The following CCDC178 variants were observed in gnomAD, a reference collection of about 807,000 sequenced individuals.
The protein encoded by CCDC178 is coiled-coil domain-containing protein 178.
Under a neutral mutation model 117.4 loss-of-function variants are expected in CCDC178, and 126 were observed. The observed-to-expected ratio is 1.07, with a 90% confidence interval of 0.93 to 1.24. The LOEUF (loss-of-function observed/expected upper bound fraction) is 1.24. CCDC178 is among the 50% of genes most tolerant of loss of function. CCDC178 has a pLI of 0.00. For missense variants in CCDC178, 1,030 were observed against 986.9 expected (o/e 1.04, Z -0.59); for synonymous variants, 283 against 313.4 (o/e 0.90, Z 1.02).
At chr18:33,436,273 T>C (rs1177730624) in intron 2 of CCDC178, among the ~76,000 whole-genome samples, 1 of 152,138 alleles carries the variant, frequency 6.6e-6, no homozygotes, top group East Asian at 1.9e-4. Flanking sequence ...CAGAAGGTCA[T>C]GAATGACCTT....
At chr18:33,389,082 C>T (rs1599257982) in intron 5 of CCDC178, among the ~76,000 whole-genome samples, 1 of 152,040 alleles carries the variant, frequency 6.6e-6, no homozygotes, top group Admixed American at 6.6e-5. Flanking sequence ...AGCAAACCAC[C>T]ATGGCATGTG....
intron 20 of CCDC178, among the ~76,000 whole-genome samples, chr18:33,128,098 C>T (rs1174058179): frequency 6.6e-6 from 1 of 152,152 alleles, no homozygotes; most frequent in African/African-American, 2.4e-5. Context: ...AATGTGGATT[C>T]AATTTCTGGC....
intron 2 of CCDC178, among the ~76,000 whole-genome samples, chr18:33,427,563 TTTATA>T (rs2064139887): frequency 6.6e-6 from 1 of 152,198 alleles, no homozygotes. Flanking sequence ...TTCTATTGAC[TTTATA>T]TTATGTCTGT....
intron 17 of CCDC178, among the ~76,000 whole-genome samples, chr18:33,223,748 C>T (rs562325338): frequency 9.2e-5 from 14 of 152,248 alleles, no homozygotes; most frequent in African/African-American, 2.9e-4. Context: ...GACAACCTCA[C>T]TTAGGCTTTT....
intron 20 of CCDC178, among the ~76,000 whole-genome samples, chr18:33,166,446 C>A (rs112024255): frequency 2.7e-4 from 41 of 152,176 alleles, no homozygotes; most frequent in African/African-American, 9.4e-4. Flanking sequence ...CTCCCTACGG[C>A]ACTAGATTCC....
chr18:33,196,005 T>G (rs1024042951), intron 20 of CCDC178, among the ~76,000 whole-genome samples: 2 of 152,214 alleles, frequency 1.3e-5, no homozygotes, highest in Non-Finnish European at 2.9e-5. Context: ...GGATGACCTC[T>G]GGGCCTCTGG....
At position 33,203,577 on chromosome 18, in the gene CCDC178, T is replaced by C. The variant is rs996016663; in HGVS notation, c.2238+8319A>G. ...TTACAAGTAGGAAATAAAGACGTTA[T>C]TATTTCCACTCTCGTTCTCTGAACC... On this transcript the variant is annotated intron_variant, in intron 20 of 22. Transcript: ENST00000383096. Among the ~76,000 whole-genome samples the C allele has an allele frequency of 7.2e-5, 11 of 152,328 alleles. No homozygotes were observed. The South Asian group carries it at 1.2e-3, about 17-fold the overall frequency.
intron 20 of CCDC178, among the ~76,000 whole-genome samples, chr18:33,190,414 A>G (rs1057373202): frequency 6.6e-6 from 1 of 152,168 alleles, no homozygotes; most frequent in Admixed American, 6.5e-5. Flanking sequence ...GGCCCACACT[A>G]TTGAGCAGAG....
intron 22 of CCDC178, among the ~76,000 whole-genome samples, chr18:32,939,379 A>G (rs1373576371): frequency 6.6e-6 from 1 of 152,126 alleles, no homozygotes; most frequent in Admixed American, 6.5e-5. Flanking sequence ...ATCCATCTGA[A>G]TAAAGCCTGA....
intron 20 of CCDC178, among the ~76,000 whole-genome samples, chr18:33,113,641 C>A (rs192048363): frequency 6.6e-6 from 1 of 151,944 alleles, no homozygotes; most frequent in African/African-American, 2.4e-5. Context: ...GGGCATAAAC[C>A]GATCACCAGC....
intron 20 of CCDC178, among the ~76,000 whole-genome samples, chr18:33,211,384 T>C (rs2059106459): frequency 6.6e-6 from 1 of 151,848 alleles, no homozygotes; most frequent in Non-Finnish European, 1.5e-5. Context: ...TATAATTTGA[T>C]TAATAAAAGT....
At chr18:32,993,549 T>C (rs2055438075) in intron 21 of CCDC178, among the ~76,000 whole-genome samples, 1 of 152,204 alleles carries the variant, frequency 6.6e-6, no homozygotes, top group South Asian at 2.1e-4. Context: ...TGGCTCACCA[T>C]TAAATTCTTT....
chr18:33,334,612 GATTTTCTGC>G (rs1249436058), intron 9 of CCDC178, among the ~76,000 whole-genome samples: 3 of 151,692 alleles, frequency 2.0e-5, no homozygotes, highest in African/African-American at 7.3e-5. Context: ...CTTTACCTGG[GATTTTCTGC>G]ATTTATACTT....
chr18:33,436,117 CAT>C (rs1443304587), intron 2 of CCDC178, among the ~76,000 whole-genome samples: 3 of 152,146 alleles, frequency 2.0e-5, no homozygotes, highest in African/African-American at 7.2e-5. Context: ...GAATAATTAA[CAT>C]TAACAATTTC....
At chr18:33,069,522 A>C (rs2057073790) in intron 21 of CCDC178, among the ~76,000 whole-genome samples, 1 of 152,114 alleles carries the variant, frequency 6.6e-6, no homozygotes. Context: ...AGCAAAAATC[A>C]TCTCGAGTCA....
At chr18:33,371,378 T>A in intron 5 of CCDC178, among the ~76,000 whole-genome samples, 1 of 151,784 alleles carries the variant, frequency 6.6e-6, no homozygotes, top group Non-Finnish European at 1.5e-5. Flanking sequence ...TGATGCCACA[T>A]TTTTTTAATC....
chr18:33,357,853 T>C (rs369508163), intron 6 of CCDC178, among the ~76,000 whole-genome samples: 8 of 149,522 alleles, frequency 5.4e-5, no homozygotes, highest in Non-Finnish European at 7.5e-5. Flanking sequence ...TGTGTGTGTA[T>C]ACACACACAC....
At chr18:33,145,829 T>C (rs1195598928) in intron 20 of CCDC178, among the ~76,000 whole-genome samples, 1 of 152,186 alleles carries the variant, frequency 6.6e-6, no homozygotes, top group Non-Finnish European at 1.5e-5. Flanking sequence ...TTTGTGAAAG[T>C]GAACTTCCCT....
chr18:33,096,132 T>A (rs2057539323), intron 20 of CCDC178, among the ~76,000 whole-genome samples: 1 of 141,130 alleles, frequency 7.1e-6, no homozygotes, highest in South Asian at 2.4e-4. Flanking sequence ...CCCACTTGAC[T>A]TTTCTTGTTC....
Sources: gnomAD v4.1 joint callset for allele counts (sites outside exome capture counted in the v4.1 genomes callset) on GRCh38, gnomAD v4.1.1 for gene constraint, MANE v1.5 for transcripts, NCBI Gene and HGNC (gene_info 2026-07-23, HGNC 2026-07-21) for gene names.